TPRG1: variants seen among roughly 807,000 people sequenced by gnomAD.
TPRG1 encodes the protein tumor protein p63-regulated gene 1 protein.
TPRG1 carries 29 observed loss-of-function variants against 29.3 expected under a neutral mutation model. The observed-to-expected ratio is 0.99, with a 90% CI of 0.74 to 1.35. TPRG1 has a LOEUF of 1.35. TPRG1 is among the 40% of genes most tolerant of loss of function. The pLI, the probability that TPRG1 is intolerant of heterozygous loss-of-function variation, is 0.00. For synonymous variants in TPRG1, 130 were observed against 116.8 expected (o/e 1.11, Z -0.73); for missense variants, 327 against 335.0 (o/e 0.98, Z 0.19).
At chr3:189,098,031 G>T (rs2152186282), upstream of TPRG1, among the ~76,000 whole-genome samples, 1 of 152,254 alleles carries the variant, frequency 6.6e-6, no homozygotes, top group East Asian at 1.9e-4. Flanking sequence ...ATTTCTTTCT[G>T]CAATCTCATT....
At chr3:189,204,947 T>TCACACACA (rs35018569) in intron 1 of TPRG1, among the ~76,000 whole-genome samples, 2,891 of 147,042 alleles carry the variant, frequency 0.02, 35 homozygotes, top group Non-Finnish European at 0.026. Flanking sequence ...TCTCTCTCTC[T>TCACACACA]CACACACACA....
intron 4 of TPRG1, among the ~76,000 whole-genome samples, chr3:189,296,792 T>C (rs765488449): frequency 1.3e-5 from 2 of 152,248 alleles, no homozygotes; most frequent in Non-Finnish European, 2.9e-5. Context: ...GGAGATTATA[T>C]GATAAAAGTG....
At chr3:189,107,987 T>C (rs1330926602) in intron 1 of TPRG1, among the ~76,000 whole-genome samples, 1 of 152,160 alleles carries the variant, frequency 6.6e-6, no homozygotes, top group East Asian at 1.9e-4. Flanking sequence ...AAACCAACTC[T>C]TTGAATTCCC....
intron 4 of TPRG1, among the ~76,000 whole-genome samples, chr3:189,269,092 T>G (rs1434690727): frequency 1.4e-5 from 2 of 145,292 alleles, no homozygotes; most frequent in Admixed American, 6.9e-5. Context: ...CATCCTGAGG[T>G]TTTTTTTTTT....
At chr3:189,101,898 G>A (rs1041901322) in intron 1 of TPRG1, among the ~76,000 whole-genome samples, 3 of 152,028 alleles carry the variant, frequency 2.0e-5, no homozygotes, top group Non-Finnish European at 4.4e-5. Context: ...CATCTTTTTA[G>A]TTGCTATATA....
chr3:189,169,718 T>C (rs1421351639), upstream of TPRG1, among the ~76,000 whole-genome samples: 1 of 152,220 alleles, frequency 6.6e-6, no homozygotes, highest in Non-Finnish European at 1.5e-5. Flanking sequence ...ACAAAGCTCT[T>C]ATCACCTCCA....
At position 189,032,721 on chromosome 3, in the gene TPRG1, G is replaced by A. The variant is rs202062048; in HGVS notation, c.-463+8775G>A. Among the ~76,000 whole-genome samples, 198 of 150,460 alleles carry A rather than the reference G, an allele frequency of 1.3e-3. 2 individuals are homozygous for A. In the East Asian group the frequency reaches 0.029, roughly 22 times the overall value. On this transcript the variant is annotated intron_variant, in intron 4 of 10. Transcript: ENST00000433971. Reference sequence around the variant, plus strand: ...GTTAACTCGTCATTTAGCATTAGGTGTATCTCCTAATGCTATCCCTCCCCC... The same window carrying A: ...GTTAACTCGTCATTTAGCATTAGGTATATCTCCTAATGCTATCCCTCCCCC...
intron 3 of TPRG1, among the ~76,000 whole-genome samples, chr3:189,230,567 G>A (rs917476749): frequency 3.3e-5 from 5 of 152,124 alleles, no homozygotes; most frequent in African/African-American, 1.2e-4. Flanking sequence ...CCCACCTCAG[G>A]GCCTTTGCAA....
chr3:189,072,909 A>C (rs556569404), intron 4 of TPRG1, among the ~76,000 whole-genome samples: 2 of 152,306 alleles, frequency 1.3e-5, no homozygotes, highest in East Asian at 3.9e-4. Context: ...CCCAGATATC[A>C]AAGTGGGAGC....
intron 2 of TPRG1, among the ~76,000 whole-genome samples, chr3:189,128,114 A>G (rs1054032529): frequency 1.3e-5 from 2 of 152,222 alleles, no homozygotes; most frequent in Non-Finnish European, 2.9e-5. Context: ...TAACTTAAAA[A>G]TTTTAAAATA....
At chr3:189,069,177 C>T (rs946800519) in intron 4 of TPRG1, among the ~76,000 whole-genome samples, 2 of 152,148 alleles carry the variant, frequency 1.3e-5, no homozygotes, top group Non-Finnish European at 2.9e-5. Flanking sequence ...ATGAAAAAAT[C>T]GCTAACTTCC....
chr3:189,086,523 C>A (rs1037192195), intron 4 of TPRG1, among the ~76,000 whole-genome samples: 3 of 147,466 alleles, frequency 2.0e-5, no homozygotes, highest in Non-Finnish European at 4.5e-5. Context: ...CCACACCCAG[C>A]TAATTTTTTT....
At chr3:189,305,197 A>G (rs959109790) in intron 4 of TPRG1, among the ~76,000 whole-genome samples, 3 of 152,180 alleles carry the variant, frequency 2.0e-5, no homozygotes, top group African/African-American at 4.8e-5. Flanking sequence ...TGAGAAGTCC[A>G]GGGAGAGGAA....
chr3:189,263,996 G>A (rs1321819479), intron 4 of TPRG1, among the ~76,000 whole-genome samples: 4 of 152,130 alleles, frequency 2.6e-5, no homozygotes, highest in Non-Finnish European at 4.4e-5. Context: ...ATCAAGAATA[G>A]CTTCTACCCT....
chr3:189,270,991 T>C (rs1476784938), intron 4 of TPRG1, among the ~76,000 whole-genome samples: 1 of 152,210 alleles, frequency 6.6e-6, no homozygotes, highest in Admixed American at 6.5e-5. Flanking sequence ...GCAAGGGCTT[T>C]GCTTGCTCAT....
At chr3:189,192,093 CTA>C (rs1731785075) in intron 1 of TPRG1, among the ~76,000 whole-genome samples, 1 of 152,162 alleles carries the variant, frequency 6.6e-6, no homozygotes, top group Non-Finnish European at 1.5e-5. Flanking sequence ...TAGGCAATAA[CTA>C]AATAACTGGT....
chr3:189,077,924 A>G (rs1005004392), intron 4 of TPRG1, among the ~76,000 whole-genome samples: 9 of 152,046 alleles, frequency 5.9e-5, no homozygotes, highest in African/African-American at 1.9e-4. Context: ...GCTTCTTCCA[A>G]ACAAAGATGA....
chr3:189,207,155 C>T (rs1257650549), intron 1 of TPRG1: 7 of 984,518 alleles, frequency 7.1e-6, no homozygotes, highest in Non-Finnish European at 8.4e-6. Context: ...TCCGGAGAGT[C>T]TCTCCTTCAC....
chr3:189,063,749 T>C (rs1231423967), intron 4 of TPRG1, among the ~76,000 whole-genome samples: 1 of 152,168 alleles, frequency 6.6e-6, no homozygotes, highest in East Asian at 1.9e-4. Context: ...ACATATGGGA[T>C]GCATCTAAAG....
Sources: allele counts gnomAD v4.1 joint callset (sites outside exome capture counted in the v4.1 genomes callset), GRCh38; gene constraint gnomAD v4.1.1; transcripts MANE v1.5; gene names NCBI Gene and HGNC (gene_info 2026-07-23, HGNC 2026-07-21).